The following ARHGAP9 variants were observed in gnomAD, a reference collection of about 807,000 sequenced individuals.
The protein encoded by ARHGAP9 is Rho GTPase activating protein 9.
ARHGAP9 carries 76 observed loss-of-function variants against 87.3 expected under a neutral mutation model. That is an observed-to-expected ratio of 0.87 (90% CI 0.72 to 1.05). The LOEUF (loss-of-function observed/expected upper bound fraction) is 1.05, where lower values mean the gene tolerates loss of function less well. Among genes scored for constraint, ARHGAP9 ranks in the 50% least tolerant of loss-of-function variants. ARHGAP9 has a pLI of 0.00. For missense variants in ARHGAP9, 941 were observed against 960.5 expected, an observed-to-expected ratio of 0.98 and a Z score of 0.27; for synonymous variants, 382 against 394.9, an observed-to-expected ratio of 0.97 and a Z score of 0.39.
intron 3 of ARHGAP9, 81 bp from the exon 4 acceptor site, chr12:57,477,761 C>T: frequency 1.3e-6 from 2 of 1,558,078 alleles, no homozygotes; most frequent in South Asian, 1.2e-5. Context: ...CCACCTCCTG[C>T]TCCCTCCCCC....
rs1274801082 is a variant in ARHGAP9, at chr12:57,474,489, T to C, written c.1730-13A>G. The C allele has an allele frequency of 6.2e-7, 1 of 1,613,982 alleles. No individual in the cohort carries two copies. Among genetic ancestry groups the C allele is most frequent in the Admixed American group, 1.7e-5 (1 of 59,992 alleles). ...GTGACCGCACGCTCTGCAACATGAA[T>C]GAGGAGAGATCAGGAGCTAAGACAT... On this transcript the variant is annotated splice_polypyrimidine_tract_variant and intron_variant, in intron 14 of 17. Transcript: ENST00000393791.
chr12:57,485,664 G>A (rs1875347020), intron 1 of ARHGAP9, among the ~76,000 whole-genome samples: 2 of 151,982 alleles, frequency 1.3e-5, no homozygotes, highest in South Asian at 4.1e-4. Context: ...ACAGGCATAA[G>A]TTACTGGGCC....
At chr12:57,477,977 G>C (rs1340199312) in intron 3 of ARHGAP9, 3 of 1,225,732 alleles carry the variant, frequency 2.4e-6, no homozygotes, top group Middle Eastern at 3.5e-4. Context: ...TGGGGTGGGG[G>C]GAATGTTGAA....
chr12:57,476,682 T>C (rs930257195), intron 6 of ARHGAP9, 31 bp from the exon 7 acceptor site: 1 of 1,442,096 alleles, frequency 6.9e-7, no homozygotes, highest in African/African-American at 1.8e-5. Context: ...GATCTGTAAG[T>C]CACCCTCGCC....
upstream of ARHGAP9, among the ~76,000 whole-genome samples, chr12:57,484,351 C>CAA (rs150577501): frequency 1.4e-3 from 188 of 137,494 alleles, no homozygotes; most frequent in Middle Eastern, 3.8e-3. Context: ...GACTCTGTCT[C>CAA]AAAAAAAAAA....
In ARHGAP9 at chr12:57,476,604, C is replaced by G. The variant is rs201219723; in HGVS notation, c.1011G>C (p.Gly337=). Residue 337 remains glycine (G), a synonymous_variant, in exon 7 of 18, where the codon GGG becomes GGC. Coordinates refer to ENST00000393791, the MANE Select transcript of ARHGAP9 (RefSeq NM_032496.4). The part of the protein sequence containing the change: ...GLLNMTKIAQ[G]GRKLRKNWGP... ...TGGGTTCTCACCTGAGCTTGCGCCC[C>G]CCTTGGGCAATCTTGGTCATGTTGA... 6.2e-6 allele frequency: 10 copies of G among 1,614,066 alleles called. No individual in the cohort carries two copies. The highest frequency in any genetic ancestry group is 1.6e-4 in the Middle Eastern group (1 of 6,084).
intron 1 of ARHGAP9, among the ~76,000 whole-genome samples, chr12:57,486,657 G>A (rs1175033087): frequency 2.0e-5 from 3 of 148,724 alleles, no homozygotes; most frequent in African/African-American, 2.4e-5. Flanking sequence ...AGGCTGAGGC[G>A]GGCGGATCAC....
At position 57,479,186 on chromosome 12, in the gene ARHGAP9, C is replaced by G; in HGVS notation, c.221G>C (p.Arg74Pro). 1.2e-6 allele frequency: 2 copies of G among 1,614,144 alleles called. No individual in the cohort carries two copies. The highest frequency in any genetic ancestry group is 1.7e-6 in the Non-Finnish European group (2 of 1,180,028). ...ARRLEAPSTSRPIFVPAAYMI... is the reference protein window; with the variant it reads ...ARRLEAPSTSPPIFVPAAYMI... The stretch of plus-strand genomic sequence containing the variant: ...ATAGGCTGCTGGGACGAAGATGGGT[C>G]GAGAGGTGGAGGGAGCTTCTAGGCG... Residue 74 changes from arginine to proline, a missense_variant, in exon 2 of 18, where the codon CGA becomes CCA. Transcript: ENST00000393791.
chr12:57,473,755 G>A (rs1216757412), intron 16 of ARHGAP9, 47 bp from the exon 17 acceptor site: 1 of 1,524,304 alleles, frequency 6.6e-7, no homozygotes, highest in South Asian at 1.1e-5. Flanking sequence ...TAGGGAAGGT[G>A]CTAGGACAGG....
chr12:57,477,952 G>A (rs1874393518), intron 3 of ARHGAP9: 2 of 1,257,408 alleles, frequency 1.6e-6, no homozygotes, highest in Non-Finnish European at 2.0e-6. Flanking sequence ...ACAGGAAAGG[G>A]GAACAGGCTT....
upstream of ARHGAP9, among the ~76,000 whole-genome samples, chr12:57,482,161 C>T (rs1875058996): frequency 6.6e-6 from 1 of 152,136 alleles, no homozygotes; most frequent in Admixed American, 6.6e-5. Flanking sequence ...ATAATCCCAG[C>T]ACTTTGGGAG....
intron 6 of ARHGAP9, 84 bp downstream of exon 6, chr12:57,476,787 G>A (rs577789311): frequency 1.5e-6 from 2 of 1,375,156 alleles, no homozygotes; most frequent in East Asian, 4.9e-5. Context: ...TATTCAGAAA[G>A]AGGAAGATGT....
intron 1 of ARHGAP9, chr12:57,488,131 C>T (rs755035230): frequency 6.2e-7 from 1 of 1,614,150 alleles, no homozygotes; most frequent in East Asian, 2.2e-5. Context: ...GGTTGCTTGC[C>T]GGTGCTGGCC....
In ARHGAP9 at chr12:57,477,636, G is replaced by T; in HGVS notation, c.579C>A (p.Asn193Lys). ...PLMSEPPVYC[N>K]LVDLRRCPRS... ...GAGGACAGCGGCGAAGGTCCACCAG[G>T]TTACAGTACACAGGGGGCTCTGACA... The change falls in exon 4 of 18, where the codon AAC becomes AAA. Residue 193 changes from asparagine (N) to lysine (K), a missense_variant. Transcript: ENST00000393791. 6.2e-7 allele frequency: 1 copy of T among 1,613,312 alleles called. No individual in the cohort carries two copies. The highest frequency in any genetic ancestry group is 8.5e-7 in the Non-Finnish European group (1 of 1,179,758).
chr12:57,486,678 G>A (rs984314486), intron 1 of ARHGAP9, among the ~76,000 whole-genome samples: 25 of 148,676 alleles, frequency 1.7e-4, no homozygotes, highest in Non-Finnish European at 2.1e-4. Context: ...GAGGTCGGGG[G>A]ATCGAGACCA....
chr12:57,488,446 C>T, intron 1 of ARHGAP9: 1 of 957,980 alleles, frequency 1.0e-6, no homozygotes, highest in Non-Finnish European at 1.6e-6. Context: ...CCGGTCCCCG[C>T]CTCACCCCAG....
upstream of ARHGAP9, among the ~76,000 whole-genome samples, chr12:57,482,980 T>G (rs1387335733): frequency 6.6e-6 from 1 of 151,308 alleles, no homozygotes; most frequent in Admixed American, 6.6e-5. Context: ...GTGTCTGTAC[T>G]CCCAGCTACT....
In ARHGAP9 at chr12:57,477,256, A is replaced by G; in HGVS notation, c.770T>C (p.Met257Thr). The G allele has an allele frequency of 1.3e-6, 2 of 1,572,510 alleles. No individual in the cohort carries two copies. The highest frequency in any genetic ancestry group is 1.7e-6 in the Non-Finnish European group (2 of 1,159,642). The change falls in exon 5 of 18, where the codon ATG becomes ACG. Residue 257 changes from methionine (M) to threonine (T), a missense_variant. By Grantham distance (81) the Met-to-Thr change is moderately conservative. Coordinates refer to ENST00000393791, the MANE Select transcript of ARHGAP9 (RefSeq NM_032496.4). ...RSRSETNPGSMEGTQTLKRNN... is the reference protein window; with the variant it reads ...RSRSETNPGSTEGTQTLKRNN... Reference sequence around the variant, plus strand: ...CCTCTTCAGGGTCTGTGTCCCCTCCATGGAGCCAGGGTTCTGGGTTAGGGG... The same window carrying G: ...CCTCTTCAGGGTCTGTGTCCCCTCCGTGGAGCCAGGGTTCTGGGTTAGGGG...
chr12:57,488,761 A>T (rs1441896045), exon 1 of ARHGAP9: 1 of 1,144,692 alleles, frequency 8.7e-7, no homozygotes, highest in Non-Finnish European at 1.3e-6. Context: ...TCTTGGCTGC[A>T]GCACTATCCC....
Sources: gnomAD v4.1 joint callset for allele counts (sites outside exome capture counted in the v4.1 genomes callset) on GRCh38, gnomAD v4.1.1 for gene constraint, MANE v1.5 for transcripts, NCBI Gene and HGNC (gene_info 2026-07-23, HGNC 2026-07-21) for gene names.